BICD1: variants seen among roughly 807,000 people sequenced by gnomAD.
The protein encoded by BICD1 is BICD cargo adaptor 1, also known as protein bicaudal D homolog 1.
A neutral mutation model predicts 92.5 loss-of-function variants in BICD1; 35 were observed. The ratio of observed to expected loss-of-function variants is 0.38; its 90% confidence interval spans 0.29 to 0.50. The LOEUF is 0.50. Ranked by LOEUF, BICD1 falls within the 20% of genes least tolerant of loss-of-function variation. The pLI, the probability that BICD1 is intolerant of heterozygous loss-of-function variation, is 0.93. For synonymous variants in BICD1, 429 were observed against 465.1 expected, an observed-to-expected ratio of 0.92 and a Z score of 1.00; for missense variants, 950 against 1,189.8, an observed-to-expected ratio of 0.80 and a Z score of 2.97.
intron 8 of BICD1, among the ~76,000 whole-genome samples, chr12:32,350,861 C>A (rs916464554): frequency 4.0e-5 from 6 of 151,264 alleles, no homozygotes; most frequent in Non-Finnish European, 8.9e-5. Flanking sequence ...CCACTAAATT[C>A]ATTGTCCTTT....
At chr12:32,108,555 C>T in intron 1 of BICD1, 2 of 612,720 alleles carry the variant, frequency 3.3e-6, no homozygotes, top group South Asian at 1.9e-5. Context: ...GTGTCAAGTC[C>T]TTATTTTTAG....
chr12:32,310,067 G>C (rs1592652485), intron 4 of BICD1, among the ~76,000 whole-genome samples: 1 of 152,296 alleles, frequency 6.6e-6, no homozygotes, highest in East Asian at 1.9e-4. Flanking sequence ...GAGGGGCACA[G>C]GCAAGGCTGT....
intron 2 of BICD1, among the ~76,000 whole-genome samples, chr12:32,248,810 G>T (rs188670539): frequency 2.0e-5 from 3 of 152,272 alleles, no homozygotes; most frequent in Admixed American, 6.5e-5. Context: ...AAAGAGGGGG[G>T]TCTGGAAAAG....
chr12:32,219,730 T>G (rs906368140), intron 2 of BICD1, among the ~76,000 whole-genome samples: 2 of 152,182 alleles, frequency 1.3e-5, no homozygotes, highest in Non-Finnish European at 2.9e-5. Flanking sequence ...TGCTTAAGTA[T>G]AAAAAAACTA....
intron 1 of BICD1, among the ~76,000 whole-genome samples, chr12:32,195,235 G>A (rs1279724025): frequency 1.3e-5 from 2 of 152,150 alleles, no homozygotes; most frequent in Admixed American, 6.5e-5. Flanking sequence ...AATTTTAATG[G>A]CATTTTTCAC....
chr12:32,190,431 A>C (rs538752678), intron 1 of BICD1, among the ~76,000 whole-genome samples: 1 of 152,364 alleles, frequency 6.6e-6, no homozygotes, highest in South Asian at 2.1e-4. Context: ...AGTAATCAAA[A>C]GAGAGCAGGA....
chr12:32,158,496 A>T (rs994107282), intron 1 of BICD1, among the ~76,000 whole-genome samples: 3 of 152,224 alleles, frequency 2.0e-5, no homozygotes, highest in Non-Finnish European at 4.4e-5. Context: ...AATAAAAAAA[A>T]ATTAAGTGAG....
intron 1 of BICD1, among the ~76,000 whole-genome samples, chr12:32,154,482 CAT>C (rs1943381207): frequency 6.6e-6 from 1 of 152,184 alleles, no homozygotes; most frequent in Non-Finnish European, 1.5e-5. Context: ...CTTAGTCTGG[CAT>C]GTAGCACTCA....
chr12:32,298,173 A>G (rs1480330838), intron 3 of BICD1, among the ~76,000 whole-genome samples: 1 of 137,314 alleles, frequency 7.3e-6, no homozygotes, highest in African/African-American at 2.6e-5. Flanking sequence ...ATAGAGTGAG[A>G]CCCTGTCTCA....
At chr12:32,234,606 AAAAGAAAGAAAG>A (rs533023539) in intron 2 of BICD1, among the ~76,000 whole-genome samples, 4 of 146,656 alleles carry the variant, frequency 2.7e-5, no homozygotes, top group South Asian at 2.1e-4. Context: ...CAAAAAAAAA[AAAAGAAAGAAAG>A]AAAGAAAGAA....
intron 1 of BICD1, among the ~76,000 whole-genome samples, chr12:32,111,819 G>A (rs1941706370): frequency 6.6e-6 from 1 of 151,822 alleles, no homozygotes; most frequent in Non-Finnish European, 1.5e-5. Context: ...TTGTTAGCCA[G>A]GATGGTCTCG....
chr12:32,294,986 G>T (rs776189644), intron 3 of BICD1, among the ~76,000 whole-genome samples: 22 of 150,124 alleles, frequency 1.5e-4, no homozygotes, highest in African/African-American at 4.7e-4. Flanking sequence ...GGAGGCTAAG[G>T]CAGGAGAATT....
intron 4 of BICD1, among the ~76,000 whole-genome samples, chr12:32,320,522 A>G (rs1948624005): frequency 6.6e-6 from 1 of 152,080 alleles, no homozygotes; most frequent in African/African-American, 2.4e-5. Context: ...CGTGCCTGTA[A>G]TCCCAGCTAC....
chr12:32,377,933 T>G lies in BICD1; in HGVS notation c.*306T>G. The stretch of plus-strand genomic sequence containing the variant: ...TCTCAGATGGCTGGCTTTACCTCGA[T>G]AGCATAAGAGAGACCTAAGACATGT... On this transcript the variant is annotated 3_prime_UTR_variant, in exon 10 of 10. Transcript: ENST00000652176. The G allele has an allele frequency of 3.4e-6, 1 of 291,940 alleles. No homozygotes were observed. The highest frequency in any genetic ancestry group is 6.6e-6 in the Non-Finnish European group (1 of 151,498). The allele number at this position is 291,940 out of a possible 1,614,324, so 18.1% of individuals were successfully genotyped here.
rs1940147974 is a variant in BICD1 at position 32,380,725 on chromosome 12, G to A, written c.*3098G>A. On this transcript the variant is annotated 3_prime_UTR_variant, in exon 10 of 10. Coordinates refer to ENST00000652176, the MANE Select transcript of BICD1 (RefSeq NM_001714.4). ...ACTCTGGATTCTAATAAAATAATTT[G>A]GAGAACTTTGAGAAAAAGGAAAACT... The A allele has an allele frequency of 6.6e-6, 1 of 151,980 alleles. No individual in the cohort carries two copies. The highest frequency in any genetic ancestry group is 6.6e-5 in the Admixed American group (1 of 15,242). The allele number at this position is 151,980 out of a possible 1,614,324, so 9.4% of individuals were successfully genotyped here. A position where few individuals can be genotyped will look rare whatever the true frequency, so the allele number is the denominator to read the frequency against.
At chr12:32,252,033 AAT>A (rs1479373650) in intron 2 of BICD1, among the ~76,000 whole-genome samples, 1 of 102,468 alleles carries the variant, frequency 9.8e-6, no homozygotes, top group Non-Finnish European at 1.8e-5. Flanking sequence ...ATATATTTAT[AAT>A]ATATATTTAT....
chr12:32,203,582 A>AC (rs1023758144), intron 1 of BICD1, among the ~76,000 whole-genome samples: 6 of 152,056 alleles, frequency 3.9e-5, no homozygotes, highest in African/African-American at 1.4e-4. Flanking sequence ...GAACATCTGA[A>AC]CCCCCGGCCC....
chr12:32,165,498 A>G (rs1197014337), intron 1 of BICD1, among the ~76,000 whole-genome samples: 1 of 152,090 alleles, frequency 6.6e-6, no homozygotes, highest in Non-Finnish European at 1.5e-5. Context: ...CCTGGGCGAC[A>G]GAGCGAGACT....
chr12:32,285,239 C>T (rs866053695), intron 2 of BICD1, among the ~76,000 whole-genome samples: 16 of 152,114 alleles, frequency 1.1e-4, no homozygotes, highest in African/African-American at 3.4e-4. Context: ...TAGGCTTTTG[C>T]GTGTGAACTT....
Sources: gnomAD v4.1 joint callset for allele counts (sites outside exome capture counted in the v4.1 genomes callset) on GRCh38, gnomAD v4.1.1 for gene constraint, MANE v1.5 for transcripts, NCBI Gene and HGNC (gene_info 2026-07-23, HGNC 2026-07-21) for gene names.